PTPRD: variants seen among roughly 807,000 people sequenced by gnomAD.
PTPRD encodes protein tyrosine phosphatase receptor type D, also known as receptor-type tyrosine-protein phosphatase delta.
In PTPRD, 34 loss-of-function variants were observed where a neutral mutation model predicts 214.5. The ratio of observed to expected loss-of-function variants is 0.16; its 90% CI spans 0.12 to 0.21. PTPRD has a LOEUF of 0.21. Among genes scored for constraint, PTPRD ranks in the 10% least tolerant of loss-of-function variants. PTPRD has a pLI of 1.00. For synonymous variants in PTPRD, 1,128 were observed against 845.7 expected, an observed-to-expected ratio of 1.33 and a Z score of -5.79; for missense variants, 2,545 against 2,398.7, an observed-to-expected ratio of 1.06 and a Z score of -1.27.
In PTPRD at chr9:8,419,869, G is replaced by T. The variant is rs566405366; in HGVS notation, c.4087-15209C>A. Among the ~76,000 whole-genome samples, 3 of 151,376 alleles carry T rather than the reference G, an allele frequency of 2.0e-5. No homozygotes were observed. The South Asian group carries it at 6.3e-4, about 32-fold the overall frequency. The stretch of plus-strand genomic sequence containing the variant: ...AGAAACATGAGTTTTCCCTACAGCG[G>T]GTCCAAAAATCTGAGAGTCTGAAGG... On this transcript the variant is annotated intron_variant, in intron 35 of 45. Transcript: ENST00000381196.
intron 9 of PTPRD, among the ~76,000 whole-genome samples, chr9:9,199,758 A>T (rs2099940773): frequency 6.6e-6 from 1 of 152,144 alleles, no homozygotes; most frequent in Non-Finnish European, 1.5e-5. Context: ...AGTTTCAAAA[A>T]TGATTTTATT....
intron 2 of PTPRD, among the ~76,000 whole-genome samples, chr9:10,503,004 T>C (rs945345878): frequency 2.6e-5 from 4 of 151,992 alleles, no homozygotes; most frequent in Admixed American, 6.6e-5. Flanking sequence ...TTGCTTTATT[T>C]TGAAAACTTT....
chr9:10,208,507 G>C (rs61458589), intron 3 of PTPRD, among the ~76,000 whole-genome samples: 3,532 of 152,244 alleles, frequency 0.023, 111 homozygotes, highest in African/African-American at 0.074. Context: ...GAGCGAGACT[G>C]CGTCTCAAAA....
At chr9:9,442,308 T>C (rs1206119742) in intron 8 of PTPRD, 3 of 152,262 alleles carry the variant, frequency 2.0e-5, no homozygotes, top group Non-Finnish European at 4.4e-5. Context: ...TCTGTAATGC[T>C]ACTGGTGTCC....
intron 10 of PTPRD, among the ~76,000 whole-genome samples, chr9:9,118,941 G>C (rs2099814907): frequency 6.6e-6 from 1 of 152,116 alleles, no homozygotes; most frequent in African/African-American, 2.4e-5. Context: ...ATTACAAAGG[G>C]AAGTTAGAGG....
chr9:10,325,551 A>G (rs745446291), intron 3 of PTPRD, among the ~76,000 whole-genome samples: 16 of 151,970 alleles, frequency 1.1e-4, no homozygotes, highest in Admixed American at 6.6e-5. Flanking sequence ...CTGCTAAACA[A>G]TATCTCTGAT....
intron 2 of PTPRD, among the ~76,000 whole-genome samples, chr9:10,584,834 A>T (rs1414189241): frequency 6.6e-6 from 1 of 152,212 alleles, no homozygotes; most frequent in Non-Finnish European, 1.5e-5. Context: ...CAGTTGTTCA[A>T]TGCAAGGAAG....
intron 3 of PTPRD, among the ~76,000 whole-genome samples, chr9:10,101,591 T>C (rs2098552379): frequency 6.6e-6 from 1 of 151,626 alleles, no homozygotes; most frequent in Non-Finnish European, 1.5e-5. Context: ...ATAGAAACAG[T>C]TCTTACCTCC....
intron 3 of PTPRD, among the ~76,000 whole-genome samples, chr9:10,198,033 G>A (rs2099404735): frequency 1.3e-5 from 2 of 151,998 alleles, no homozygotes; most frequent in South Asian, 4.2e-4. Context: ...TTTTAAAATT[G>A]TTTCTTCTAT....
In PTPRD at chr9:8,505,993, A is replaced by G. The variant is rs548663020; in HGVS notation, c.1677+1308T>C. 3.0e-3 allele frequency among the ~76,000 whole-genome samples: 460 copies of G among 152,336 alleles called. 1 individual carries two copies. The highest frequency in any genetic ancestry group is 0.01 in the African/African-American group (427 of 41,580). ...TTTAAGTCATATCTGCATTTCAACT[A>G]TATAACTTTTTGAGTGCTTGATTTA... On this transcript the variant is annotated intron_variant, in intron 22 of 45. Coordinates refer to ENST00000381196, the MANE Select transcript of PTPRD (RefSeq NM_002839.4).
chr9:9,587,825 T>C (rs558359733), intron 7 of PTPRD, among the ~76,000 whole-genome samples: 1 of 152,002 alleles, frequency 6.6e-6, no homozygotes, highest in African/African-American at 2.4e-5. Context: ...GAGAATAGAA[T>C]GGTAAATAGT....
At chr9:8,417,586 C>A (rs1175386302) in intron 35 of PTPRD, among the ~76,000 whole-genome samples, 1 of 152,218 alleles carries the variant, frequency 6.6e-6, no homozygotes, top group African/African-American at 2.4e-5. Flanking sequence ...CTGTCATTAA[C>A]AAAGAACTGC....
At chr9:9,924,159 T>G (rs933149362) in intron 5 of PTPRD, among the ~76,000 whole-genome samples, 4 of 151,904 alleles carry the variant, frequency 2.6e-5, no homozygotes, top group Non-Finnish European at 2.9e-5. Context: ...ATTGAGAGAA[T>G]AGTGGGAAAA....
At chr9:8,320,051 A>G (rs1234874756) in intron 44 of PTPRD, 85 bp from the exon 45 acceptor site, 1 of 1,501,832 alleles carries the variant, frequency 6.7e-7, no homozygotes, top group Non-Finnish European at 9.0e-7. Flanking sequence ...TACTTCTACC[A>G]GCTTCCACAC....
At chr9:10,555,677 CAA>C in intron 2 of PTPRD, among the ~76,000 whole-genome samples, 1 of 152,088 alleles carries the variant, frequency 6.6e-6, no homozygotes, top group East Asian at 1.9e-4. Context: ...TACATGAAAA[CAA>C]ATATGCCCTG....
chr9:9,087,883 T>TTA (rs1317162789), intron 10 of PTPRD, among the ~76,000 whole-genome samples: 1 of 127,132 alleles, frequency 7.9e-6, no homozygotes, highest in African/African-American at 3.1e-5. Flanking sequence ...AAACTCTTTT[T>TTA]TTTTTTTTTT....
chr9:9,119,869 C>A (rs1307635799), intron 10 of PTPRD, among the ~76,000 whole-genome samples: 2 of 151,270 alleles, frequency 1.3e-5, no homozygotes, highest in Non-Finnish European at 2.9e-5. Flanking sequence ...AGAAAGATGA[C>A]TACACATGAA....
In PTPRD at chr9:9,164,219, C is replaced by T. The variant is rs1257337653; in HGVS notation, c.-143+19085G>A. Among the ~76,000 whole-genome samples, 5 of 152,214 alleles carry T rather than the reference C, an allele frequency of 3.3e-5. No individual in the cohort carries two copies. In the South Asian group the frequency reaches 1.0e-3, roughly 32 times the overall value. ...GGAGGATATACAAGATAATCAATTT[C>T]TTTATCTTTTACAGCTTTTAGAGGC... On this transcript the variant is annotated intron_variant, in intron 10 of 45. Coordinates refer to ENST00000381196, the MANE Select transcript of PTPRD (RefSeq NM_002839.4).
At chr9:9,877,199 G>A (rs1374886523) in intron 5 of PTPRD, among the ~76,000 whole-genome samples, 1 of 152,178 alleles carries the variant, frequency 6.6e-6, no homozygotes, top group Non-Finnish European at 1.5e-5. Flanking sequence ...AGTGAGTCAT[G>A]CATCTCCTGA....
Sources: allele counts gnomAD v4.1 joint callset (sites outside exome capture counted in the v4.1 genomes callset), GRCh38; gene constraint gnomAD v4.1.1; transcripts MANE v1.5; gene names NCBI Gene and HGNC (gene_info 2026-07-23, HGNC 2026-07-21).